SPAG16: variants seen among roughly 807,000 people sequenced by gnomAD.
The protein encoded by SPAG16 is sperm associated antigen 16.
Under a neutral mutation model 80.4 loss-of-function variants are expected in SPAG16, and 86 were observed. That is an observed-to-expected ratio of 1.07 (90% CI 0.90 to 1.28). The LOEUF (loss-of-function observed/expected upper bound fraction) is 1.28. SPAG16 is among the 50% of genes most tolerant of loss of function. The pLI, the probability that SPAG16 is intolerant of heterozygous loss-of-function variation, is 0.00. For missense variants in SPAG16, 870 were observed against 765.3 expected (o/e 1.14, Z -1.61); for synonymous variants, 294 against 265.9 (o/e 1.11, Z -1.03).
intron 10 of SPAG16, among the ~76,000 whole-genome samples, chr2:213,645,411 G>A (rs942535909): frequency 6.6e-6 from 1 of 152,170 alleles, no homozygotes; most frequent in African/African-American, 2.4e-5. Context: ...CCTTGATGCA[G>A]TACCTGGGTA....
rs34460783 is a variant in SPAG16, at chr2:214,177,971, G to GTATATATATA, written c.1720+28737_1720+28746dup. 1.0e-3 allele frequency among the ~76,000 whole-genome samples: 59 copies of GTATATATATA among 59,252 alleles called. 1 individual carries two copies. The highest frequency in any genetic ancestry group is 1.6e-3 in the Admixed American group (7 of 4,294). 38.9% of individuals were successfully genotyped at this position (59,252 alleles called of 152,430 possible). On this transcript the variant is annotated intron_variant, in intron 15 of 15. Coordinates refer to ENST00000331683, the MANE Select transcript of SPAG16 (RefSeq NM_024532.5). ...TTATATCTAACTTCACAAAGTGTAT[G>GTATATATATA]TATATATATATATATATATATATAT...
At chr2:213,905,907 C>A (rs1473171470) in intron 11 of SPAG16, among the ~76,000 whole-genome samples, 1 of 152,138 alleles carries the variant, frequency 6.6e-6, no homozygotes, top group Non-Finnish European at 1.5e-5. Context: ...CCTAGATGTT[C>A]TGAAGGAAGC....
chr2:213,676,757 T>G (rs2064101109), intron 10 of SPAG16, among the ~76,000 whole-genome samples: 1 of 150,634 alleles, frequency 6.6e-6, no homozygotes, highest in African/African-American at 2.5e-5. Context: ...TGGATAAGCT[T>G]TTTGATGTGC....
At chr2:213,346,253 G>T in intron 6 of SPAG16, among the ~76,000 whole-genome samples, 1 of 152,168 alleles carries the variant, frequency 6.6e-6, no homozygotes. Context: ...CCTTGCTGAA[G>T]TTGCCTATCA....
chr2:213,932,599 A>C lies in SPAG16; in HGVS notation c.1400+2454A>C, dbSNP rs1206786536. Among the ~76,000 whole-genome samples the C allele has an allele frequency of 2.0e-5, 3 of 152,130 alleles. No individual in the cohort carries two copies. The East Asian group carries it at 5.8e-4, about 29-fold the overall frequency. On this transcript the variant is annotated intron_variant, in intron 12 of 15. Transcript: ENST00000331683. Reference sequence around the variant, plus strand: ...TTAGAATACATTCTTCTCTTTTCACACCCGTCCTTTCCTTCAAGCTTCTGG... The same window carrying C: ...TTAGAATACATTCTTCTCTTTTCACCCCCGTCCTTTCCTTCAAGCTTCTGG...
chr2:213,918,606 T>A (rs2078072377), intron 11 of SPAG16, among the ~76,000 whole-genome samples: 1 of 152,172 alleles, frequency 6.6e-6, no homozygotes, highest in Admixed American at 6.5e-5. Flanking sequence ...GGAGTTTCCC[T>A]GCACAAATTC....
intron 10 of SPAG16, among the ~76,000 whole-genome samples, chr2:213,795,361 G>T (rs1304155519): frequency 1.3e-5 from 2 of 152,068 alleles, no homozygotes; most frequent in Non-Finnish European, 2.9e-5. Flanking sequence ...ACACAAAAAG[G>T]TTACTAATAC....
intron 10 of SPAG16, among the ~76,000 whole-genome samples, chr2:213,796,991 C>A (rs2071080942): frequency 6.6e-6 from 1 of 151,546 alleles, no homozygotes; most frequent in African/African-American, 2.4e-5. Flanking sequence ...ATGATCCTGA[C>A]ACGCTGTGTA....
At chr2:213,869,291 A>ATATATATGTG (rs1449042675) in intron 11 of SPAG16, among the ~76,000 whole-genome samples, 38,514 of 122,300 alleles carry the variant, frequency 0.31, 7,574 homozygotes, top group South Asian at 0.46. Context: ...GTATATATAT[A>ATATATATGTG]TGTATATATA....
At chr2:213,413,018 C>T (rs1330104276) in intron 9 of SPAG16, among the ~76,000 whole-genome samples, 2 of 151,988 alleles carry the variant, frequency 1.3e-5, no homozygotes, top group East Asian at 1.9e-4. Flanking sequence ...TTTATAATAT[C>T]AGGTAGTCTT....
chr2:214,378,898 G>C (rs964568584), intron 15 of SPAG16, among the ~76,000 whole-genome samples: 1 of 152,194 alleles, frequency 6.6e-6, no homozygotes, highest in African/African-American at 2.4e-5. Context: ...TTGTATAATG[G>C]AAGGAGCAGC....
intron 10 of SPAG16, among the ~76,000 whole-genome samples, chr2:213,786,752 A>G (rs757098526): frequency 1.8e-4 from 27 of 152,162 alleles, no homozygotes; most frequent in Non-Finnish European, 3.4e-4. Context: ...AATGGGAAAT[A>G]AATATATTGA....
At chr2:213,705,928 G>A (rs1270466400) in intron 10 of SPAG16, among the ~76,000 whole-genome samples, 1 of 152,132 alleles carries the variant, frequency 6.6e-6, no homozygotes, top group African/African-American at 2.4e-5. Context: ...CGCTTTGGTA[G>A]TCAGGGCAAA....
At chr2:213,865,755 C>T (rs1390410366) in intron 11 of SPAG16, among the ~76,000 whole-genome samples, 1 of 146,624 alleles carries the variant, frequency 6.8e-6, no homozygotes, top group Non-Finnish European at 1.5e-5. Context: ...TATACATGCA[C>T]ATATATGTGT....
At chr2:214,282,688 A>G (rs1216871578) in intron 15 of SPAG16, among the ~76,000 whole-genome samples, 1 of 152,174 alleles carries the variant, frequency 6.6e-6, no homozygotes, top group African/African-American at 2.4e-5. Context: ...AGAAAAGACC[A>G]CAGAAACCTT....
chr2:213,992,973 A>C (rs1265545416), intron 12 of SPAG16, among the ~76,000 whole-genome samples: 1 of 152,216 alleles, frequency 6.6e-6, no homozygotes, highest in Non-Finnish European at 1.5e-5. Flanking sequence ...TGGTCATACC[A>C]AAAGGATGAA....
chr2:214,387,987 G>A (rs1176499220), intron 15 of SPAG16, among the ~76,000 whole-genome samples: 4 of 151,594 alleles, frequency 2.6e-5, no homozygotes, highest in Non-Finnish European at 5.9e-5. Context: ...TCCAAGTGAT[G>A]AAAAAAATAC....
chr2:213,832,962 T>C lies in SPAG16; in HGVS notation c.1071-29523T>C, dbSNP rs572904299. ...TCTCTACACTATCTACAATGCAAATTTTAATTCTGCTATGAAATTTGTATA... is the reference window on the plus strand; with the variant it reads ...TCTCTACACTATCTACAATGCAAATCTTAATTCTGCTATGAAATTTGTATA... On this transcript the variant is annotated intron_variant, in intron 10 of 15. Transcript: ENST00000331683. Among the ~76,000 whole-genome samples the C allele has an allele frequency of 3.9e-5, 6 of 152,278 alleles. No individual in the cohort carries two copies. The East Asian group carries it at 1.2e-3, about 29-fold the overall frequency.
At chr2:213,654,327 C>T (rs2063132294) in intron 10 of SPAG16, among the ~76,000 whole-genome samples, 1 of 151,330 alleles carries the variant, frequency 6.6e-6, no homozygotes, top group Non-Finnish European at 1.5e-5. Flanking sequence ...ACTTTCAATT[C>T]TAATGGACGC....
Sources: allele counts gnomAD v4.1 joint callset (sites outside exome capture counted in the v4.1 genomes callset), GRCh38; gene constraint gnomAD v4.1.1; transcripts MANE v1.5; gene names NCBI Gene and HGNC (gene_info 2026-07-23, HGNC 2026-07-21).